The following KDM5A variants were observed in gnomAD, a reference collection of about 807,000 sequenced individuals.
KDM5A encodes lysine demethylase 5A.
In KDM5A, 42 loss-of-function variants were observed where a neutral mutation model predicts 193.5. The ratio of observed to expected loss-of-function variants is 0.22; its 90% CI spans 0.17 to 0.28. The LOEUF is 0.28. Ranked by LOEUF, KDM5A falls within the 10% of genes least tolerant of loss-of-function variation. The probability of loss-of-function intolerance (pLI) is 1.00; values close to 1 mark genes in which losing one functional copy is unlikely to be tolerated. For missense variants in KDM5A, 1,692 were observed against 2,055.1 expected (o/e 0.82, Z 3.42); for synonymous variants, 796 against 718.1 (o/e 1.11, Z -1.73).
At chr12:326,592 C>T (rs983031021) in intron 14 of KDM5A, among the ~76,000 whole-genome samples, 1 of 152,080 alleles carries the variant, frequency 6.6e-6, no homozygotes, top group Non-Finnish European at 1.5e-5. Flanking sequence ...CCGGGCACGG[C>T]GGCTCACGCC....
chr12:388,880 C>T (rs369941909), intron 1 of KDM5A, 47 bp downstream of exon 1: 3 of 1,592,828 alleles, frequency 1.9e-6, no homozygotes, highest in East Asian at 2.2e-5. Context: ...AGTGTACGGA[C>T]TCCCCCATTC....
chr12:318,607 AAATT>A, intron 18 of KDM5A, 146 bp from the exon 19 acceptor site: 5 of 633,722 alleles, frequency 7.9e-6, no homozygotes, highest in African/African-American at 3.7e-5. Flanking sequence ...TATGACAGTT[AAATT>A]AATAAATATG....
At chr12:367,619 T>C (rs1308797991) in intron 3 of KDM5A, among the ~76,000 whole-genome samples, 1 of 152,102 alleles carries the variant, frequency 6.6e-6, no homozygotes, top group African/African-American at 2.4e-5. Flanking sequence ...CAAGAATCAC[T>C]TGAACCCAGG....
In KDM5A at chr12:347,358, C is replaced by T. The variant is rs149974611; in HGVS notation, c.1308+3263G>A. ...TGCCCAAAGTAATTTATCCATTCAA[C>T]GCCATCCCCATCAAGCTACCAATGG... On this transcript the variant is annotated intron_variant, in intron 10 of 27. Transcript: ENST00000399788. Among the ~76,000 whole-genome samples, 173 of 149,038 alleles carry T rather than the reference C, an allele frequency of 1.2e-3. 2 individuals carry two copies. Among genetic ancestry groups the T allele is most frequent in the African/African-American group, 4.1e-3 (166 of 40,418 alleles).
At chr12:377,556 G>A (rs905819160) in intron 3 of KDM5A, among the ~76,000 whole-genome samples, 1 of 152,112 alleles carries the variant, frequency 6.6e-6, no homozygotes, top group Non-Finnish European at 1.5e-5. Flanking sequence ...AGACAATGGA[G>A]TAAAGCTTTC....
intron 10 of KDM5A, among the ~76,000 whole-genome samples, chr12:346,652 C>T (rs1482526343): frequency 6.6e-6 from 1 of 152,078 alleles, no homozygotes; most frequent in Non-Finnish European, 1.5e-5. Flanking sequence ...ATAAACAGAA[C>T]CAATGACAAA....
intron 17 of KDM5A, 28 bp from the exon 18 acceptor site, chr12:321,137 G>T: frequency 6.6e-7 from 1 of 1,517,512 alleles, no homozygotes; most frequent in African/African-American, 1.4e-5. Flanking sequence ...TGAGATATAA[G>T]TAAGAAAAAT....
chr12:301,048 C>A (rs1943434926), intron 24 of KDM5A, among the ~76,000 whole-genome samples: 1 of 152,082 alleles, frequency 6.6e-6, no homozygotes. Flanking sequence ...AGCATACCAA[C>A]CAAAAAAAGT....
Position 293,025 on chromosome 12 carries a change from T to C in KDM5A, c.4600A>G (p.Arg1534Gly). Residue 1534 changes from arginine (R) to glycine (G), a missense_variant, in exon 27 of 28, where the codon AGA becomes GGA. This residue lies in a region of KDM5A where 965 missense variants were observed against 1,061.0 expected (regional missense o/e 0.91). Transcript: ENST00000399788. ...SKELKKMDKPRKKKLKLGADK... is the reference protein window; with the variant it reads ...SKELKKMDKPGKKKLKLGADK... Reference sequence around the variant, plus strand: ...GCACCTAATTTTAATTTCTTCTTTCTAGGTTTGTCCATTTTCTTTAACTCC... The same window carrying C: ...GCACCTAATTTTAATTTCTTCTTTCCAGGTTTGTCCATTTTCTTTAACTCC... The C allele has an allele frequency of 6.3e-7, 1 of 1,589,614 alleles. No homozygotes were observed. Among genetic ancestry groups the C allele is most frequent in the Non-Finnish European group, 8.5e-7 (1 of 1,173,832 alleles).
At chr12:355,092 G>C (rs1944215488) in intron 7 of KDM5A, 66 bp downstream of exon 7, 1 of 963,758 alleles carries the variant, frequency 1.0e-6, no homozygotes, top group African/African-American at 1.6e-5. Context: ...GATATATCAG[G>C]ATAGAAAGTG....
intron 15 of KDM5A, 42 bp downstream of exon 15, chr12:323,558 T>TA (rs1297528573): frequency 1.1e-5 from 18 of 1,576,860 alleles, no homozygotes; most frequent in Non-Finnish European, 1.6e-5. Context: ...AACTTGGTTT[T>TA]AAAAAAAGGT....
chr12:292,756 C>T lies in KDM5A; in HGVS notation c.4866+3G>A, dbSNP rs1227620588. ...TGCTTGACTATAAACAGTTGGAACT[C>T]ACCTTGTCCTTGCAGGGCCTTTGGC... On this transcript the variant is annotated splice_donor_region_variant and intron_variant, in intron 27 of 27. Transcript: ENST00000399788. 3 of 1,614,112 alleles carry T rather than the reference C, an allele frequency of 1.9e-6. No homozygotes were observed. In the African/African-American group the frequency reaches 4.0e-5, roughly 22 times the overall value.
chr12:321,155 T>C (rs1943711358), intron 17 of KDM5A, 46 bp from the exon 18 acceptor site: 4 of 1,360,514 alleles, frequency 2.9e-6, no homozygotes, highest in East Asian at 4.6e-5. Flanking sequence ...AATTCAGTCA[T>C]TCTGATATCA....
At chr12:315,126 A>C (rs2137399767) in intron 19 of KDM5A, among the ~76,000 whole-genome samples, 1 of 152,354 alleles carries the variant, frequency 6.6e-6, no homozygotes, top group East Asian at 1.9e-4. Context: ...CAGCAGCCTG[A>C]GTGGAATGAG....
At chr12:300,796 G>T (rs916305927) in intron 24 of KDM5A, among the ~76,000 whole-genome samples, 9 of 152,012 alleles carry the variant, frequency 5.9e-5, no homozygotes, top group African/African-American at 2.2e-4. Context: ...AGACTAAAAA[G>T]GAGAAAAGAG....
intron 19 of KDM5A, among the ~76,000 whole-genome samples, chr12:315,423 A>C (rs1422254490): frequency 6.6e-6 from 1 of 152,160 alleles, no homozygotes; most frequent in Non-Finnish European, 1.5e-5. Flanking sequence ...AAAATAAAAA[A>C]ATTAGCTGGG....
chr12:377,562 C>A (rs1944522874), intron 3 of KDM5A, among the ~76,000 whole-genome samples: 1 of 152,088 alleles, frequency 6.6e-6, no homozygotes, highest in African/African-American at 2.4e-5. Flanking sequence ...TGGAGTAAAG[C>A]TTTCAAAATA....
intron 19 of KDM5A, among the ~76,000 whole-genome samples, chr12:313,400 TAATAA>T (rs1943613635): frequency 6.6e-6 from 1 of 152,154 alleles, no homozygotes; most frequent in South Asian, 2.1e-4. Flanking sequence ...CATAAGTTTA[TAATAA>T]AATAAAATAT....
intron 27 of KDM5A, among the ~76,000 whole-genome samples, chr12:286,887 T>A (rs142743257): frequency 2.6e-5 from 4 of 152,290 alleles, no homozygotes; most frequent in African/African-American, 9.6e-5. Context: ...TAAGAGACAA[T>A]ATTGTGTTAA....
Sources: allele counts gnomAD v4.1 joint callset (sites outside exome capture counted in the v4.1 genomes callset), GRCh38; gene constraint gnomAD v4.1.1; regional missense constraint gnomAD v4.1.1; transcripts MANE v1.5; gene names NCBI Gene and HGNC (gene_info 2026-07-23, HGNC 2026-07-21).